Variants in RYR2 observed in about 807,000 individuals in gnomAD.
RYR2 encodes cardiac muscle ryanodine receptor-calcium release channel.
Under a neutral mutation model 601.1 loss-of-function variants are expected in RYR2, and 227 were observed. That is an observed-to-expected ratio of 0.38 (90% confidence interval 0.34 to 0.42). The LOEUF (loss-of-function observed/expected upper bound fraction) is 0.42, where lower values mean the gene tolerates loss of function less well. RYR2 is among the 10% of genes least tolerant of loss of function. The pLI, the probability that RYR2 is intolerant of heterozygous loss-of-function variation, is 1.00. For synonymous variants in RYR2, 2,223 were observed against 2,175.1 expected (o/e 1.02, Z -0.61); for missense variants, 4,646 against 6,156.5 (o/e 0.75, Z 8.21).
intron 1 of RYR2, among the ~76,000 whole-genome samples, chr1:237,068,178 T>TAA (rs146782983): frequency 6.6e-6 from 1 of 152,030 alleles, no homozygotes; most frequent in East Asian, 1.9e-4. Flanking sequence ...CGTTGTTTTT[T>TAA]AAAAAAACAC....
At chr1:237,264,528 A>G (rs908418812) in intron 1 of RYR2, among the ~76,000 whole-genome samples, 1 of 152,106 alleles carries the variant, frequency 6.6e-6, no homozygotes, top group Non-Finnish European at 1.5e-5. Flanking sequence ...ATGAAAGGGT[A>G]GTGCTGATTT....
Position 237,496,667 on chromosome 1 carries a change from C to T in RYR2, c.2118C>T (p.Tyr706=), listed in dbSNP as rs1431902945. Residue 706 remains tyrosine, a synonymous_variant, in exon 20 of 105, where the codon TAC becomes TAT. Coordinates refer to ENST00000366574, the MANE Select transcript of RYR2 (RefSeq NM_001035.3). ...GWASTEGYSP[Y]PGGGEEWGGN... Reference sequence around the variant, plus strand: ...CTTCCACTGAAGGATATTCTCCCTACCCTGGAGGGGGCGAAGAGTGGGGTG... The same window carrying T: ...CTTCCACTGAAGGATATTCTCCCTATCCTGGAGGGGGCGAAGAGTGGGGTG... 5.6e-6 allele frequency: 9 copies of T among 1,613,952 alleles called. No individual in the cohort carries two copies. The highest frequency in any genetic ancestry group is 3.3e-5 in the South Asian group (3 of 91,080).
At chr1:237,174,571 C>T (rs1677798242) in intron 1 of RYR2, among the ~76,000 whole-genome samples, 1 of 152,330 alleles carries the variant, frequency 6.6e-6, no homozygotes, top group African/African-American at 2.4e-5. Context: ...CCTTCCCTAC[C>T]TATGATAACA....
At chr1:237,430,067 G>GTT (rs559926748) in intron 12 of RYR2, among the ~76,000 whole-genome samples, 11 of 149,892 alleles carry the variant, frequency 7.3e-5, no homozygotes, top group Non-Finnish European at 1.2e-4. Context: ...TCAATATATT[G>GTT]TTATATATAT....
At chr1:237,307,210 T>A (rs1267691826) in intron 2 of RYR2, among the ~76,000 whole-genome samples, 2 of 152,222 alleles carry the variant, frequency 1.3e-5, no homozygotes, top group Non-Finnish European at 2.9e-5. Flanking sequence ...CACATACGTT[T>A]TTTCACTTGC....
intron 62 of RYR2, among the ~76,000 whole-genome samples, chr1:237,680,839 A>G (rs1467457469): frequency 6.6e-6 from 1 of 152,254 alleles, no homozygotes; most frequent in Non-Finnish European, 1.5e-5. Context: ...CAATCTACAC[A>G]TAGAGGCCGG....
intron 29 of RYR2, among the ~76,000 whole-genome samples, chr1:237,589,292 A>G (rs1305429335): frequency 1.3e-5 from 2 of 152,270 alleles, no homozygotes; most frequent in African/African-American, 2.4e-5. Context: ...TTTGCCTCCA[A>G]TTCTTTTTTT....
At chr1:237,203,449 T>C (rs1277634105) in intron 1 of RYR2, among the ~76,000 whole-genome samples, 1 of 152,142 alleles carries the variant, frequency 6.6e-6, no homozygotes, top group Non-Finnish European at 1.5e-5. Context: ...GGATCATTAT[T>C]TTGGGAAGAA....
rs772098320 is a variant in RYR2, at chr1:237,610,829, C to T, written c.4751C>T (p.Pro1584Leu). The T allele has an allele frequency of 3.1e-6, 5 of 1,612,458 alleles. No individual in the cohort carries two copies. The highest frequency in any genetic ancestry group is 1.7e-5 in the Admixed American group (1 of 59,852). Reference sequence around the variant, plus strand: ...AAGAACCCCGTGCCGCAGTGCCCCCCGCGCCTCCACGTGCAGTTCCTGTCA... The same window carrying T: ...AAGAACCCCGTGCCGCAGTGCCCCCTGCGCCTCCACGTGCAGTTCCTGTCA... The part of the protein sequence containing the change: ...EHKNPVPQCP[P>L]RLHVQFLSHV... Residue 1584 changes from proline (P) to leucine (L), a missense_variant, in exon 36 of 105, where the codon CCG becomes CTG. Transcript: ENST00000366574. This position sits in a 1 kb window ranked among gnomAD's most constrained non-coding sequence, Gnocchi z 4.9.
In RYR2 at chr1:237,821,497, C is replaced by T. The variant is rs148547023; in HGVS notation, c.14590+2305C>T. On this transcript the variant is annotated intron_variant, in intron 101 of 104. Coordinates refer to ENST00000366574, the MANE Select transcript of RYR2 (RefSeq NM_001035.3). ...TATCAACATCAACAAAAAGGACGTC[C>T]ACTCAGAGACTCCATCCGAAGGTCA... Among the ~76,000 whole-genome samples the T allele has an allele frequency of 6.0e-3, 909 of 152,196 alleles. 9 individuals are homozygous for T. The highest frequency in any genetic ancestry group is 0.021 in the African/African-American group (873 of 41,534).
intron 91 of RYR2, among the ~76,000 whole-genome samples, chr1:237,786,707 C>T (rs965163507): frequency 2.0e-5 from 3 of 152,200 alleles, no homozygotes; most frequent in Admixed American, 2.0e-4. Context: ...TCTTTCTCCA[C>T]GTTTATAGAA....
chr1:237,363,583 T>G (rs1351571895), intron 4 of RYR2, among the ~76,000 whole-genome samples: 1 of 152,098 alleles, frequency 6.6e-6, no homozygotes, highest in African/African-American at 2.4e-5. Context: ...GCCCTAAGTT[T>G]GGAAATATAT....
chr1:237,635,523 C>A (rs534732584), intron 44 of RYR2, among the ~76,000 whole-genome samples: 2 of 152,276 alleles, frequency 1.3e-5, no homozygotes, highest in South Asian at 4.1e-4. Context: ...GGATACTAAG[C>A]CACACATGTG....
chr1:237,140,932 G>A (rs905475277), intron 1 of RYR2, among the ~76,000 whole-genome samples: 1 of 152,184 alleles, frequency 6.6e-6, no homozygotes, highest in African/African-American at 2.4e-5. Context: ...GAGTGCATCT[G>A]CTGTGTTATA....
At chr1:237,538,216 C>A (rs1187759532) in intron 25 of RYR2, among the ~76,000 whole-genome samples, 5 of 150,454 alleles carry the variant, frequency 3.3e-5, no homozygotes, top group Non-Finnish European at 7.4e-5. Flanking sequence ...ATGGTGAAAC[C>A]CCGTCTCTAC....
intron 1 of RYR2, among the ~76,000 whole-genome samples, chr1:237,119,287 A>G (rs1670497605): frequency 6.6e-6 from 1 of 152,208 alleles, no homozygotes; most frequent in Non-Finnish European, 1.5e-5. Context: ...ACTCCTGCCA[A>G]CACTTCATCT....
intron 10 of RYR2, among the ~76,000 whole-genome samples, chr1:237,408,968 GT>G (rs1558769549): frequency 6.6e-6 from 1 of 152,008 alleles, no homozygotes; most frequent in East Asian, 1.9e-4. Flanking sequence ...TTAAATACGT[GT>G]TGTTCATTGC....
chr1:237,227,111 C>T (rs190350643), intron 1 of RYR2, among the ~76,000 whole-genome samples: 2 of 151,914 alleles, frequency 1.3e-5, no homozygotes, highest in East Asian at 1.9e-4. Context: ...GCATAGAGAT[C>T]GAAAAATGTT....
intron 35 of RYR2, among the ~76,000 whole-genome samples, chr1:237,603,718 G>A (rs1414178911): frequency 1.3e-5 from 2 of 152,144 alleles, no homozygotes; most frequent in Admixed American, 1.3e-4. Context: ...TCAAAATAAA[G>A]GGATGGAGGA....
Sources: gnomAD v4.1 joint callset for allele counts (sites outside exome capture counted in the v4.1 genomes callset) on GRCh38, gnomAD v4.1.1 for gene constraint, Gnocchi (gnomAD v3.1) non-coding constraint, MANE v1.5 for transcripts, NCBI Gene and HGNC (gene_info 2026-07-23, HGNC 2026-07-21) for gene names.